The following CRIPT variants were observed in gnomAD, a reference collection of about 807,000 sequenced individuals.
The protein encoded by CRIPT is CXXC repeat containing interactor of PDZ3 domain.
In CRIPT, 20 loss-of-function variants were observed where a neutral mutation model predicts 16.6. The observed-to-expected ratio is 1.20, with a 90% confidence interval of 0.85 to 1.75. The LOEUF is 1.75. CRIPT is among the 40% of genes most tolerant of loss of function. The pLI, the probability that CRIPT is intolerant of heterozygous loss-of-function variation, is 0.00. For synonymous variants in CRIPT, 42 were observed against 37.0 expected (o/e 1.14, Z -0.49); for missense variants, 133 against 115.3 (o/e 1.15, Z -0.70).
At chr2:46,619,738 C>A in intron 3 of CRIPT, 57 bp downstream of exon 3, 1 of 1,337,944 alleles carries the variant, frequency 7.5e-7, no homozygotes, top group Non-Finnish European at 1.1e-6. Context: ...AGTATTAAGT[C>A]TGCTGGAGTG....
chr2:46,621,650 A>G (rs1489680394), intron 3 of CRIPT, among the ~76,000 whole-genome samples: 1 of 152,248 alleles, frequency 6.6e-6, no homozygotes, highest in Non-Finnish European at 1.5e-5. Flanking sequence ...TTTGGTATTT[A>G]GAACAGTAAA....
chr2:46,625,558 A>T lies in CRIPT; in HGVS notation c.*1331A>T, dbSNP rs1368747793. 2 of 152,080 alleles carry T rather than the reference A, an allele frequency of 1.3e-5. No homozygotes were observed. Among genetic ancestry groups the T allele is most frequent in the African/African-American group, 4.8e-5 (2 of 41,414 alleles). The allele number at this position is 152,080 out of a possible 1,614,324, so 9.4% of individuals were successfully genotyped here. On this transcript the variant is annotated 3_prime_UTR_variant, in exon 5 of 5. Coordinates refer to ENST00000238892, the MANE Select transcript of CRIPT (RefSeq NM_014171.6). ...AAATACATATCACTACAAAATGTAT[A>T]GAAAGTGTGATGAGATACATGAATG...
At chr2:46,622,970 A>G (rs527756325) in intron 3 of CRIPT, among the ~76,000 whole-genome samples, 1 of 152,144 alleles carries the variant, frequency 6.6e-6, no homozygotes, top group South Asian at 2.1e-4. Flanking sequence ...ATGTTAGGGA[A>G]GCACATTTAA....
At chr2:46,621,566 C>G (rs1670804418) in intron 3 of CRIPT, among the ~76,000 whole-genome samples, 2 of 152,144 alleles carry the variant, frequency 1.3e-5, no homozygotes, top group African/African-American at 4.8e-5. Flanking sequence ...TTGTCTGTTT[C>G]CTTACTTACT....
rs1305977061 is a variant in CRIPT at position 46,623,748 on chromosome 2, TA to T, written c.138-8del. ...AGTGTAATATACAATTTTCTCTCTTTAAAAAAAATTTCTAGATTTGATCCAT... is the reference window on the plus strand; with the variant it reads ...AGTGTAATATACAATTTTCTCTCTTTAAAAAAATTTCTAGATTTGATCCAT... On this transcript the variant is annotated splice_polypyrimidine_tract_variant and intron_variant, in intron 3 of 4. Transcript: ENST00000238892. 23 of 1,492,286 alleles carry T rather than the reference TA, an allele frequency of 1.5e-5. No homozygotes were observed. Among genetic ancestry groups the T allele is most frequent in the East Asian group, 4.6e-5 (2 of 43,666 alleles). 92.4% of individuals were successfully genotyped at this position (1,492,286 alleles called of 1,614,324 possible). A position where few individuals can be genotyped will look rare whatever the true frequency, so the allele number is the denominator to read the frequency against.
rs1212278028 is a variant in CRIPT at position 46,628,644 on chromosome 2, A to G, written c.*4417A>G. Reference sequence around the variant, plus strand: ...TTGAGTAGCCTCCTTCCATGAATGGATCATCCAGTGGCCGCACTTAGGTTC... The same window carrying G: ...TTGAGTAGCCTCCTTCCATGAATGGGTCATCCAGTGGCCGCACTTAGGTTC... On this transcript the variant is annotated 3_prime_UTR_variant, in exon 5 of 5. Coordinates refer to ENST00000238892, the MANE Select transcript of CRIPT (RefSeq NM_014171.6). Among the ~76,000 whole-genome samples, 1 of 152,172 alleles carries G rather than the reference A, an allele frequency of 6.6e-6. No homozygotes were observed. The highest frequency in any genetic ancestry group is 1.5e-5 in the Non-Finnish European group (1 of 68,032).
chr2:46,625,851 A>G lies in CRIPT; in HGVS notation c.*1624A>G, dbSNP rs558489297. The G allele has an allele frequency of 1.4e-4, 21 of 152,332 alleles. No homozygotes were observed. In the East Asian group the frequency reaches 2.3e-3, roughly 17 times the overall value. The allele number at this position is 152,332 out of a possible 1,614,324, so 9.4% of individuals were successfully genotyped here. On this transcript the variant is annotated 3_prime_UTR_variant, in exon 5 of 5. Coordinates refer to ENST00000238892, the MANE Select transcript of CRIPT (RefSeq NM_014171.6). ...CCCAGATCCATTAAAGATTGGATTC[A>G]TTGACTTGGAGAAAAGTACATTTCT... is the stretch of plus-strand genomic sequence containing the variant.
rs933660810 is a variant in CRIPT, at chr2:46,627,446, T to A, written c.*3219T>A. On this transcript the variant is annotated 3_prime_UTR_variant, in exon 5 of 5. Transcript: ENST00000238892. ...TTGAAGTCTTACATTTAAATCTTTT[T>A]TTTTTTTTTTCCCCAAAGACAGAGT... Among the ~76,000 whole-genome samples the A allele has an allele frequency of 6.6e-6, 1 of 151,950 alleles. No individual in the cohort carries two copies. Among genetic ancestry groups the A allele is most frequent in the African/African-American group, 2.4e-5 (1 of 41,370 alleles).
chr2:46,628,679 G>A lies in CRIPT; in HGVS notation c.*4452G>A, dbSNP rs181581322. On this transcript the variant is annotated 3_prime_UTR_variant, in exon 5 of 5. Transcript: ENST00000238892. Reference sequence around the variant, plus strand: ...GGCCGCACTTAGGTTCTCCTATGAAGATTTTTGTTGTATTGTACCTCAGAA... The same window carrying A: ...GGCCGCACTTAGGTTCTCCTATGAAAATTTTTGTTGTATTGTACCTCAGAA... Among the ~76,000 whole-genome samples the A allele has an allele frequency of 2.2e-3, 329 of 152,208 alleles. 2 individuals carry two copies. The highest frequency in any genetic ancestry group is 7.6e-3 in the African/African-American group (315 of 41,528).
Position 46,626,952 on chromosome 2 carries a change from C to A in CRIPT, c.*2725C>A, listed in dbSNP as rs892299705. ...GGTTCAAGCGATTCTCCTGCCCCAGCCTCCTGAGTTGCTGGGATTACAGGT... is the reference window on the plus strand; with the variant it reads ...GGTTCAAGCGATTCTCCTGCCCCAGACTCCTGAGTTGCTGGGATTACAGGT... On this transcript the variant is annotated 3_prime_UTR_variant, in exon 5 of 5. Coordinates refer to ENST00000238892, the MANE Select transcript of CRIPT (RefSeq NM_014171.6). Among the ~76,000 whole-genome samples, 1 of 152,156 alleles carries A rather than the reference C, an allele frequency of 6.6e-6. No homozygotes were observed. Among genetic ancestry groups the A allele is most frequent in the African/African-American group, 2.4e-5 (1 of 41,426 alleles).
At chr2:46,619,118 T>C (rs1019770753) in intron 2 of CRIPT, among the ~76,000 whole-genome samples, 1 of 152,180 alleles carries the variant, frequency 6.6e-6, no homozygotes, top group Admixed American at 6.5e-5. Context: ...TTGATTCAGC[T>C]TATTTAGAGT....
In CRIPT at chr2:46,623,834, T is replaced by A; in HGVS notation, c.208T>A (p.Ser70Thr). 6.2e-7 allele frequency: 1 copy of A among 1,610,900 alleles called. No homozygotes were observed. The highest frequency in any genetic ancestry group is 8.5e-7 in the Non-Finnish European group (1 of 1,178,148). ...ICKSSVHQPG[S>T]HYCQGCAYKK... is the part of the protein sequence containing the mutation. ...TAAAAGTTCTGTGCACCAACCAGGT[T>A]CTCATTACTGCCAGGGCTGTGCCTA... is the stretch of plus-strand genomic sequence containing the variant. Residue 70 changes from serine to threonine, a missense_variant, in exon 4 of 5, where the codon TCT becomes ACT. Coordinates refer to ENST00000238892, the MANE Select transcript of CRIPT (RefSeq NM_014171.6).
chr2:46,622,426 A>G (rs1670834340), intron 3 of CRIPT, among the ~76,000 whole-genome samples: 2 of 152,140 alleles, frequency 1.3e-5, no homozygotes, highest in South Asian at 2.1e-4. Flanking sequence ...ATAATAAAAT[A>G]TGGTTTTAAG....
At position 46,627,371 on chromosome 2, in the gene CRIPT, G is replaced by C. The variant is rs1017123646; in HGVS notation, c.*3144G>C. Among the ~76,000 whole-genome samples, 1 of 151,738 alleles carries C rather than the reference G, an allele frequency of 6.6e-6. No individual in the cohort carries two copies. Among genetic ancestry groups the C allele is most frequent in the South Asian group, 2.1e-4 (1 of 4,798 alleles). On this transcript the variant is annotated 3_prime_UTR_variant, in exon 5 of 5. Coordinates refer to ENST00000238892, the MANE Select transcript of CRIPT (RefSeq NM_014171.6). ...ACTTAGCCGTAAGTTCTTTCCCATA[G>C]CTGATGTCCAGATGTTATTTCGTAG...
intron 1 of CRIPT, 139 bp from the exon 2 acceptor site, chr2:46,618,634 G>T: frequency 2.0e-6 from 1 of 491,854 alleles, no homozygotes; most frequent in Non-Finnish European, 3.7e-6. Context: ...AGTCTCAGTT[G>T]ATTGGCTGCT....
rs1671000168 is a variant in CRIPT at position 46,628,628 on chromosome 2, C to G, written c.*4401C>G. 1.3e-5 allele frequency among the ~76,000 whole-genome samples: 2 copies of G among 152,142 alleles called. No homozygotes were observed. Among genetic ancestry groups the G allele is most frequent in the Non-Finnish European group, 2.9e-5 (2 of 68,022 alleles). ...ATTTTATCTTCATACTTTGAGTAGC[C>G]TCCTTCCATGAATGGATCATCCAGT... On this transcript the variant is annotated 3_prime_UTR_variant, in exon 5 of 5. Transcript: ENST00000238892.
intron 1 of CRIPT, among the ~76,000 whole-genome samples, chr2:46,618,540 C>A (rs1358544124): frequency 6.6e-6 from 1 of 151,930 alleles, no homozygotes; most frequent in East Asian, 1.9e-4. Context: ...AAATATAAAC[C>A]AACAGTGAAA....
chr2:46,617,237 G>C lies in CRIPT; in HGVS notation c.-46G>C. ...GTTGTAGTGTTGTTGTTTTCAGCCT[G>C]CTGCTGCTGCTGCTGTTGCGGCTAG... On this transcript the variant is annotated 5_prime_UTR_variant, in exon 1 of 5. Coordinates refer to ENST00000238892, the MANE Select transcript of CRIPT (RefSeq NM_014171.6). The C allele has an allele frequency of 1.5e-6, 2 of 1,347,746 alleles. No individual in the cohort carries two copies. The highest frequency in any genetic ancestry group is 2.0e-6 in the Non-Finnish European group (2 of 993,176). The allele number at this position is 1,347,746 out of a possible 1,614,324, so 83.5% of individuals were successfully genotyped here. A position where few individuals can be genotyped will look rare whatever the true frequency, so the allele number is the denominator to read the frequency against.
intron 1 of CRIPT, among the ~76,000 whole-genome samples, chr2:46,617,935 T>G (rs990971422): frequency 2.0e-4 from 30 of 151,666 alleles, no homozygotes; most frequent in Non-Finnish European, 2.2e-4. Context: ...CTGAGGCTTA[T>G]CCTCTTCACA....
Sources: allele counts gnomAD v4.1 joint callset (sites outside exome capture counted in the v4.1 genomes callset), GRCh38; gene constraint gnomAD v4.1.1; transcripts MANE v1.5; gene names NCBI Gene and HGNC (gene_info 2026-07-23, HGNC 2026-07-21).